The following CDC14A variants were observed in gnomAD, a reference collection of about 807,000 sequenced individuals.
CDC14A encodes dual specificity protein phosphatase CDC14A.
CDC14A carries 53 observed loss-of-function variants against 74.4 expected under a neutral mutation model. That is an observed-to-expected ratio of 0.71 (90% CI 0.57 to 0.89). The LOEUF is 0.89. Ranked by LOEUF, CDC14A falls within the 40% of genes least tolerant of loss-of-function variation. The pLI is 0.00. For synonymous variants in CDC14A, 247 were observed against 258.4 expected (o/e 0.96, Z 0.43); for missense variants, 646 against 713.7 (o/e 0.91, Z 1.08).
At chr1:100,496,907 A>G (rs1227539285) in intron 13 of CDC14A, among the ~76,000 whole-genome samples, 2 of 152,174 alleles carry the variant, frequency 1.3e-5, no homozygotes, top group Non-Finnish European at 2.9e-5. Context: ...TGGTATTAAG[A>G]TTATGACTGG....
chr1:100,383,990 G>A (rs1656505639), intron 3 of CDC14A, among the ~76,000 whole-genome samples: 1 of 151,966 alleles, frequency 6.6e-6, no homozygotes, highest in African/African-American at 2.4e-5. Flanking sequence ...AGCTGAACAA[G>A]TGCATGATTT....
chr1:100,390,824 A>T lies in CDC14A; in HGVS notation c.309A>T (p.Ala103=), dbSNP rs28361212. ...ANAAFLIGAY[A]VIYLKKTPEE... ...CAGCATTTTTGATAGGTGCCTATGC[A>T]GTAAGTACCTTCTTCATGATTATTT... Residue 103 remains alanine (A), a splice_region_variant and synonymous_variant, in exon 4 of 16, where the codon GCA becomes GCT. Transcript: ENST00000336454. The T allele has an allele frequency of 1.9e-6, 3 of 1,597,130 alleles. No individual in the cohort carries two copies. Among genetic ancestry groups the T allele is most frequent in the Non-Finnish European group, 2.6e-6 (3 of 1,165,268 alleles).
chr1:100,450,956 C>G (rs143215127), intron 7 of CDC14A, among the ~76,000 whole-genome samples: 6 of 152,312 alleles, frequency 3.9e-5, no homozygotes, highest in African/African-American at 1.4e-4. Context: ...TATGGTCGCT[C>G]TCTAATTCGC....
At chr1:100,362,113 G>C (rs1456503147) in intron 2 of CDC14A, among the ~76,000 whole-genome samples, 1 of 152,144 alleles carries the variant, frequency 6.6e-6, no homozygotes, top group African/African-American at 2.4e-5. Context: ...GAGGATTGGA[G>C]ATAGGAAGTA....
chr1:100,513,166 T>C (rs751838592), intron 15 of CDC14A, among the ~76,000 whole-genome samples: 14 of 152,302 alleles, frequency 9.2e-5, no homozygotes, highest in Non-Finnish European at 1.8e-4. Flanking sequence ...GGAAACTCTA[T>C]TACAAAGGCT....
intron 5 of CDC14A, among the ~76,000 whole-genome samples, chr1:100,433,282 T>C (rs1475440737): frequency 6.6e-6 from 1 of 152,218 alleles, no homozygotes; most frequent in Non-Finnish European, 1.5e-5. Context: ...ATTAATTCAT[T>C]TAGCAACATC....
intron 2 of CDC14A, among the ~76,000 whole-genome samples, chr1:100,370,075 C>A (rs1030185385): frequency 1.3e-5 from 2 of 152,022 alleles, no homozygotes; most frequent in African/African-American, 2.4e-5. Context: ...CCTCGACCTC[C>A]CGGGCTCAAG....
rs1308549790 is a variant in CDC14A, at chr1:100,508,105, T to C, written c.1755+8843T>C. On this transcript the variant is annotated intron_variant, in intron 15 of 15. Transcript: ENST00000336454. The surrounding 1 kb of genome is among the most constrained non-coding windows in gnomAD (Gnocchi z 4.4). ...TTGAATTCCTCCTATTATTTTCAAT[T>C]CGTGAATTTTCTTTAATGTGTCCAT... Among the ~76,000 whole-genome samples, 1 of 152,130 alleles carries C rather than the reference T, an allele frequency of 6.6e-6. No individual in the cohort carries two copies. The highest frequency in any genetic ancestry group is 2.4e-5 in the African/African-American group (1 of 41,436).
intron 1 of CDC14A, among the ~76,000 whole-genome samples, chr1:100,353,369 GTC>G (rs1651399622): frequency 6.6e-6 from 1 of 152,074 alleles, no homozygotes; most frequent in African/African-American, 2.4e-5. Context: ...CACCCCCCAA[GTC>G]TCTCTCCCTT....
chr1:100,495,319 G>A (rs1647614939), intron 12 of CDC14A, among the ~76,000 whole-genome samples: 1 of 152,160 alleles, frequency 6.6e-6, no homozygotes, highest in South Asian at 2.1e-4. Flanking sequence ...CCAGTCTCTG[G>A]CAATCTAAGC....
rs1664734341 is a variant in CDC14A at position 100,439,846 on chromosome 1, C to A, written c.390-86C>A. 7 of 897,672 alleles carry A rather than the reference C, an allele frequency of 7.8e-6. No individual in the cohort carries two copies. The Admixed American group carries it at 1.1e-4, about 14-fold the overall frequency. The allele number at this position is 897,672 out of a possible 1,614,324, so 55.6% of individuals were successfully genotyped here. A position where few individuals can be genotyped will look rare whatever the true frequency, so the allele number is the denominator to read the frequency against. ...TGATAGCTGTGAAGCCAAACAAGCA[C>A]ATCTCCAGCTGACTTTGGTGTTATA... On this transcript the variant is annotated intron_variant, in intron 5 of 15. Transcript: ENST00000336454.
intron 5 of CDC14A, 27 bp downstream of exon 5, chr1:100,424,328 A>T: frequency 6.5e-7 from 1 of 1,542,548 alleles, no homozygotes. Context: ...GACTTGGGTT[A>T]AACTTTTGCT....
In CDC14A at chr1:100,352,759, C is replaced by T; in HGVS notation, c.-196C>T. The T allele has an allele frequency of 1.4e-6, 2 of 1,410,000 alleles. No individual in the cohort carries two copies. Among genetic ancestry groups the T allele is most frequent in the Non-Finnish European group, 9.2e-7 (1 of 1,088,172 alleles). The allele number at this position is 1,410,000 out of a possible 1,614,324, so 87.3% of individuals were successfully genotyped here. On this transcript the variant is annotated 5_prime_UTR_variant, in exon 1 of 16. Coordinates refer to ENST00000336454, the MANE Select transcript of CDC14A (RefSeq NM_003672.4). ...CCCCGCGCGGAGCGAGCTCGGGTTC[C>T]CCTCGGAATGTCCCCGGGGCGCCCG...
intron 10 of CDC14A, among the ~76,000 whole-genome samples, chr1:100,483,942 A>C (rs1669774039): frequency 6.6e-6 from 1 of 152,180 alleles, no homozygotes; most frequent in Admixed American, 6.6e-5. Flanking sequence ...TAGGCATATC[A>C]AATTGCTATT....
In CDC14A at chr1:100,367,693, A is replaced by G. The variant is rs1340882004; in HGVS notation, c.141-9853A>G. 2.0e-5 allele frequency among the ~76,000 whole-genome samples: 3 copies of G among 152,248 alleles called. No homozygotes were observed. In the East Asian group the frequency reaches 5.8e-4, roughly 29 times the overall value. The stretch of plus-strand genomic sequence containing the variant: ...TCAAAATTGCTCTTGGTTGTGCAAA[A>G]CTTTTGACTGAATTTTTTTAGTGTA... On this transcript the variant is annotated intron_variant, in intron 2 of 15. Coordinates refer to ENST00000336454, the MANE Select transcript of CDC14A (RefSeq NM_003672.4).
At chr1:100,451,319 A>G (rs559979692) in intron 7 of CDC14A, among the ~76,000 whole-genome samples, 2 of 152,250 alleles carry the variant, frequency 1.3e-5, no homozygotes, top group African/African-American at 4.8e-5. Context: ...TTCCAACCCC[A>G]CTGTCTCCCT....
At position 100,352,932 on chromosome 1, in the gene CDC14A, C is replaced by A. The variant is rs552221604; in HGVS notation, c.-23C>A. On this transcript the variant is annotated 5_prime_UTR_variant, in exon 1 of 16. Transcript: ENST00000336454. ...CTTCAGCTGGCCACGACCCAGCCCT[C>A]CCCCGTGCGTATCTCGCTTAAGATG... 17 of 1,613,432 alleles carry A rather than the reference C, an allele frequency of 1.1e-5. No individual in the cohort carries two copies. In the East Asian group the frequency reaches 3.3e-4, roughly 32 times the overall value.
intron 7 of CDC14A, among the ~76,000 whole-genome samples, chr1:100,449,805 G>C (rs1173013685): frequency 1.3e-5 from 2 of 152,206 alleles, no homozygotes; most frequent in African/African-American, 4.8e-5. Context: ...ATGAGTAAAT[G>C]TGTGAATAAT....
chr1:100,491,548 C>CTCTATATATA (rs1223420176), intron 11 of CDC14A, among the ~76,000 whole-genome samples: 32 of 38,754 alleles, frequency 8.3e-4, no homozygotes, highest in Non-Finnish European at 1.3e-3. Context: ...CTCTCTCTCT[C>CTCTATATATA]TATATATATA....
Sources: allele counts gnomAD v4.1 joint callset (sites outside exome capture counted in the v4.1 genomes callset), GRCh38; gene constraint gnomAD v4.1.1; non-coding constraint Gnocchi (gnomAD v3.1); transcripts MANE v1.5; gene names NCBI Gene and HGNC (gene_info 2026-07-23, HGNC 2026-07-21).